GRIP1: variants seen among roughly 807,000 people sequenced by gnomAD.
The protein encoded by GRIP1 is glutamate receptor-interacting protein 1.
GRIP1 carries 45 observed loss-of-function variants against 129.9 expected under a neutral mutation model. The ratio of observed to expected loss-of-function variants is 0.35; its 90% CI spans 0.27 to 0.44. The LOEUF (loss-of-function observed/expected upper bound fraction) is 0.44. Among genes scored for constraint, GRIP1 ranks in the 20% least tolerant of loss-of-function variants. GRIP1 has a pLI of 1.00. For synonymous variants in GRIP1, 530 were observed against 520.8 expected (o/e 1.02, Z -0.24); for missense variants, 1,196 against 1,396.8 (o/e 0.86, Z 2.29).
At chr12:66,782,658 C>A (rs1377943753) in intron 1 of GRIP1, among the ~76,000 whole-genome samples, 2 of 152,146 alleles carry the variant, frequency 1.3e-5, no homozygotes, top group Non-Finnish European at 1.5e-5. Context: ...GATATGATAG[C>A]CCCAAATTGC....
chr12:66,891,595 GA>G (rs1313616929), intron 1 of GRIP1, among the ~76,000 whole-genome samples: 1 of 152,172 alleles, frequency 6.6e-6, no homozygotes, highest in Non-Finnish European at 1.5e-5. Flanking sequence ...CACTGGGAGG[GA>G]TGAGCCTCTG....
intron 1 of GRIP1, among the ~76,000 whole-genome samples, chr12:66,704,728 T>C (rs761066735): frequency 1.3e-5 from 2 of 152,242 alleles, no homozygotes; most frequent in South Asian, 4.1e-4. Context: ...TACATTGGAA[T>C]GATTTATCCT....
intron 1 of GRIP1, among the ~76,000 whole-genome samples, chr12:66,932,191 A>G (rs2041407742): frequency 6.6e-6 from 1 of 152,172 alleles, no homozygotes; most frequent in South Asian, 2.1e-4. Context: ...AGGTGGTAGG[A>G]CCCAAGAATT....
upstream of GRIP1, among the ~76,000 whole-genome samples, chr12:66,680,306 A>G (rs1212424826): frequency 6.6e-6 from 1 of 152,216 alleles, no homozygotes; most frequent in Non-Finnish European, 1.5e-5. Context: ...CATAAATTCA[A>G]TATGAACTCA....
intron 1 of GRIP1, among the ~76,000 whole-genome samples, chr12:66,809,981 T>C (rs1191420650): frequency 6.6e-6 from 1 of 152,162 alleles, no homozygotes; most frequent in Non-Finnish European, 1.5e-5. Context: ...TTAATGCTGA[T>C]ATATATATTT....
In GRIP1 at chr12:66,445,461, T is replaced by G; in HGVS notation, c.1402A>C (p.Thr468Pro). 1 of 1,614,098 alleles carries G rather than the reference T, an allele frequency of 6.2e-7. No individual in the cohort carries two copies. The highest frequency in any genetic ancestry group is 8.5e-7 in the Non-Finnish European group (1 of 1,180,000). The part of the protein sequence containing the change: ...TVGLAGQVVH[T>P]ETTEVVLTAD... ...GTCAGCACAACCTCTGTGGTTTCTG[T>G]GTGAACAACCTGCCCAGCCAATCCT... is the stretch of plus-strand genomic sequence containing the variant. The change falls in exon 12 of 25, where the codon ACA becomes CCA. Residue 468 changes from threonine to proline, a missense_variant. Physicochemically the swap from Thr to Pro is conservative, Grantham distance 38. This residue lies in a region of GRIP1 where 508 missense variants were observed against 587.0 expected (regional missense o/e 0.87). Coordinates refer to ENST00000359742, the MANE Select transcript of GRIP1 (RefSeq NM_001366722.1).
At chr12:66,472,826 C>T (rs1249969053) in intron 7 of GRIP1, among the ~76,000 whole-genome samples, 1 of 152,228 alleles carries the variant, frequency 6.6e-6, no homozygotes, top group African/African-American at 2.4e-5. Flanking sequence ...GTCTTCATAA[C>T]CTGCAGACAA....
intron 8 of GRIP1, 51 bp from the exon 9 acceptor site, chr12:66,463,144 TCTGA>T (rs766584750): frequency 3.5e-6 from 5 of 1,433,536 alleles, no homozygotes; most frequent in Non-Finnish European, 4.9e-6. Flanking sequence ...CTCTTTGGAA[TCTGA>T]CTTTCATGTC....
At chr12:66,736,122 G>A (rs921259037) in intron 1 of GRIP1, among the ~76,000 whole-genome samples, 2 of 152,072 alleles carry the variant, frequency 1.3e-5, no homozygotes, top group African/African-American at 2.4e-5. Flanking sequence ...TTCACTAAGA[G>A]CTTACTGTTG....
intron 1 of GRIP1, among the ~76,000 whole-genome samples, chr12:66,874,808 G>A (rs755021593): frequency 2.6e-5 from 4 of 151,890 alleles, no homozygotes; most frequent in Non-Finnish European, 5.9e-5. Context: ...CTCCAACACT[G>A]GGGATTACTG....
intron 1 of GRIP1, among the ~76,000 whole-genome samples, chr12:66,880,132 C>T (rs1299075276): frequency 6.6e-6 from 1 of 152,020 alleles, no homozygotes; most frequent in East Asian, 1.9e-4. Flanking sequence ...CAGCAGAGGT[C>T]AGCCCATGAC....
intron 1 of GRIP1, among the ~76,000 whole-genome samples, chr12:66,930,499 T>C (rs937011661): frequency 1.3e-4 from 20 of 151,470 alleles, no homozygotes; most frequent in African/African-American, 7.3e-5. Flanking sequence ...CTTAATCCAG[T>C]CTATCATTGT....
intron 1 of GRIP1, among the ~76,000 whole-genome samples, chr12:66,648,979 G>A (rs1253443148): frequency 6.6e-6 from 1 of 152,112 alleles, no homozygotes; most frequent in African/African-American, 2.4e-5. Context: ...TATCATGTAC[G>A]TGGGAAAGTG....
intron 1 of GRIP1, among the ~76,000 whole-genome samples, chr12:67,009,564 C>T (rs2042675683): frequency 1.3e-5 from 2 of 152,110 alleles, no homozygotes; most frequent in African/African-American, 2.4e-5. Flanking sequence ...CACCTGCAGT[C>T]CATGCTGAAT....
intron 1 of GRIP1, 29 bp downstream of exon 1, chr12:66,678,821 C>T: frequency 6.2e-7 from 1 of 1,604,976 alleles, no homozygotes. Flanking sequence ...AACAGACTCG[C>T]TGAGGGAATA....
At chr12:67,036,021 T>C (rs1426620450) in intron 1 of GRIP1, among the ~76,000 whole-genome samples, 5 of 152,026 alleles carry the variant, frequency 3.3e-5, no homozygotes, top group Admixed American at 6.6e-5. Context: ...CACTGGAAGG[T>C]TGATGTAAAT....
At chr12:66,457,003 G>A (rs1243779794) in intron 9 of GRIP1, among the ~76,000 whole-genome samples, 2 of 151,960 alleles carry the variant, frequency 1.3e-5, no homozygotes, top group East Asian at 3.9e-4. Flanking sequence ...ATTTACATTA[G>A]AAATAATTAT....
At chr12:66,530,481 T>G (rs1003283679) in intron 4 of GRIP1, among the ~76,000 whole-genome samples, 2 of 152,182 alleles carry the variant, frequency 1.3e-5, no homozygotes, top group African/African-American at 2.4e-5. Flanking sequence ...GCATTTAAAA[T>G]ACTACTACTA....
At chr12:66,353,139 T>C (rs1465776762) in intron 24 of GRIP1, among the ~76,000 whole-genome samples, 3 of 152,054 alleles carry the variant, frequency 2.0e-5, no homozygotes, top group African/African-American at 7.2e-5. Flanking sequence ...TGGTGGGAGA[T>C]GACCGTGGTT....
Sources: allele counts gnomAD v4.1 joint callset (sites outside exome capture counted in the v4.1 genomes callset), GRCh38; gene constraint gnomAD v4.1.1; regional missense constraint gnomAD v4.1.1; transcripts MANE v1.5; gene names NCBI Gene and HGNC (gene_info 2026-07-23, HGNC 2026-07-21).